The following NFATC2 variants were observed in gnomAD, a reference collection of about 807,000 sequenced individuals.
NFATC2 encodes nuclear factor of activated T-cells, cytoplasmic 2.
Under a neutral mutation model 87.3 loss-of-function variants are expected in NFATC2, and 22 were observed. That is an observed-to-expected ratio of 0.25 (90% CI 0.18 to 0.36). The LOEUF is 0.36. NFATC2 is among the 10% of genes least tolerant of loss of function. The probability of loss-of-function intolerance (pLI) is 1.00; values close to 1 mark genes in which losing one functional copy is unlikely to be tolerated. For synonymous variants in NFATC2, 565 were observed against 542.2 expected, an observed-to-expected ratio of 1.04 and a Z score of -0.58; for missense variants, 1,149 against 1,259.1, an observed-to-expected ratio of 0.91 and a Z score of 1.32.
intron 9 of NFATC2, among the ~76,000 whole-genome samples, chr20:51,431,395 T>C (rs552215164): frequency 6.6e-6 from 1 of 152,264 alleles, no homozygotes; most frequent in Admixed American, 6.5e-5. Context: ...GGCAGACCCC[T>C]TGCCCACAAA....
At chr20:51,505,030 T>C (rs1277551603) in intron 3 of NFATC2, among the ~76,000 whole-genome samples, 15 of 121,498 alleles carry the variant, frequency 1.2e-4, no homozygotes, top group Non-Finnish European at 2.2e-4. Flanking sequence ...TTTTTTTTTT[T>C]TGAGACGGAG....
rs1442415081 is a variant in NFATC2 at position 51,480,280 on chromosome 20, T to C, written c.1333-4620A>G. Among the ~76,000 whole-genome samples, 3 of 111,298 alleles carry C rather than the reference T, an allele frequency of 2.7e-5. No homozygotes were observed. The highest frequency in any genetic ancestry group is 1.5e-4 in the African/African-American group (3 of 20,236). 73.0% of individuals were successfully genotyped at this position (111,298 alleles called of 152,430 possible). ...TCCCGCCTGGGTCACAAAGCAAGAC[T>C]CTGTCTCAAAAAAAATAGAATGTGC... On this transcript the variant is annotated intron_variant, in intron 3 of 10. Transcript: ENST00000371564. This position sits in a 1 kb window ranked among gnomAD's most constrained non-coding sequence, Gnocchi z 4.2.
intron 3 of NFATC2, among the ~76,000 whole-genome samples, chr20:51,481,557 G>C (rs1427114736): frequency 6.6e-6 from 1 of 152,292 alleles, no homozygotes; most frequent in Non-Finnish European, 1.5e-5. Flanking sequence ...GGAAGAAGCA[G>C]TGCTTCTAGT....
At chr20:51,449,288 C>T (rs939902913) in intron 6 of NFATC2, among the ~76,000 whole-genome samples, 2 of 152,152 alleles carry the variant, frequency 1.3e-5, no homozygotes, top group South Asian at 2.1e-4. Flanking sequence ...GAAGGCGTCC[C>T]GGGCTGGGAG....
At chr20:51,561,418 AAGAG>A (rs1295159756) in intron 1 of NFATC2, among the ~76,000 whole-genome samples, 5 of 143,948 alleles carry the variant, frequency 3.5e-5, no homozygotes, top group East Asian at 2.0e-4. Context: ...GAAAGAAAGA[AAGAG>A]AGAGAAAGAA....
At chr20:51,538,785 C>T (rs2076761130) in intron 1 of NFATC2, among the ~76,000 whole-genome samples, 1 of 152,156 alleles carries the variant, frequency 6.6e-6, no homozygotes, top group South Asian at 2.1e-4. Context: ...GGTAACGGTC[C>T]TATGAGGCAA....
intron 6 of NFATC2, among the ~76,000 whole-genome samples, chr20:51,453,402 T>G (rs777850462): frequency 1.4e-4 from 22 of 152,230 alleles, no homozygotes; most frequent in Non-Finnish European, 8.8e-5. Flanking sequence ...ACCTGTTATA[T>G]TCTCGGATTG....
intron 1 of NFATC2, among the ~76,000 whole-genome samples, chr20:51,526,856 A>T (rs2076553731): frequency 6.7e-6 from 1 of 149,984 alleles, no homozygotes; most frequent in African/African-American, 2.5e-5. Context: ...GCCTGCATTC[A>T]CTCTCTCCCC....
Position 51,462,903 on chromosome 20 carries a change from C to T in NFATC2, c.1709-8215G>A, listed in dbSNP as rs183788357. On this transcript the variant is annotated intron_variant, in intron 5 of 10. Transcript: ENST00000371564. ...AATTTGGACCTACACTGGGGGATTCCGCTACCCCATGGGACCCTCTGCAGT... is the reference window on the plus strand; with the variant it reads ...AATTTGGACCTACACTGGGGGATTCTGCTACCCCATGGGACCCTCTGCAGT... Among the ~76,000 whole-genome samples, 4 of 152,316 alleles carry T rather than the reference C, an allele frequency of 2.6e-5. No individual in the cohort carries two copies. In the East Asian group the frequency reaches 5.8e-4, roughly 22 times the overall value.
intron 5 of NFATC2, among the ~76,000 whole-genome samples, chr20:51,455,164 G>C (rs867624413): frequency 6.6e-6 from 1 of 152,190 alleles, no homozygotes; most frequent in Non-Finnish European, 1.5e-5. Context: ...GAAGGGTTTA[G>C]ACATATTGAC....
intron 1 of NFATC2, among the ~76,000 whole-genome samples, chr20:51,556,280 A>G (rs2076977423): frequency 6.6e-6 from 1 of 152,210 alleles, no homozygotes; most frequent in Non-Finnish European, 1.5e-5. Context: ...GTATTGTTTA[A>G]AGCCATTCAA....
At chr20:51,395,675 G>A (rs1006083521) in intron 10 of NFATC2, among the ~76,000 whole-genome samples, 1 of 123,450 alleles carries the variant, frequency 8.1e-6, no homozygotes, top group Admixed American at 8.0e-5. Context: ...AAAGGAAAAA[G>A]TGAACCGATC....
intron 9 of NFATC2, among the ~76,000 whole-genome samples, chr20:51,431,688 G>A (rs966684826): frequency 2.0e-5 from 3 of 152,156 alleles, no homozygotes; most frequent in African/African-American, 7.2e-5. Flanking sequence ...AGGAATGAAA[G>A]GAGGTTAGCT....
rs1266810938 is a variant in NFATC2 at position 51,391,196 on chromosome 20, A to G, written c.*300T>C. ...CAGGATGCTCTCTGGGATTTAAAACATAAACCGAAAAGAAGAGTTCTCTCT... is the reference window on the plus strand; with the variant it reads ...CAGGATGCTCTCTGGGATTTAAAACGTAAACCGAAAAGAAGAGTTCTCTCT... On this transcript the variant is annotated 3_prime_UTR_variant, in exon 11 of 11. Coordinates refer to ENST00000371564, the MANE Select transcript of NFATC2 (RefSeq NM_012340.5). The G allele has an allele frequency of 1.0e-5, 7 of 700,488 alleles. No individual in the cohort carries two copies. Among genetic ancestry groups the G allele is most frequent in the Middle Eastern group, 3.6e-4 (1 of 2,742 alleles). The allele number at this position is 700,488 out of a possible 1,614,324, so 43.4% of individuals were successfully genotyped here.
At chr20:51,418,685 C>T (rs1172200775) in intron 9 of NFATC2, among the ~76,000 whole-genome samples, 13 of 121,274 alleles carry the variant, frequency 1.1e-4, no homozygotes, top group East Asian at 5.3e-4. Context: ...TTTTTTGAGA[C>T]GGAGTCTCGC....
chr20:51,432,308 C>T lies in NFATC2; in HGVS notation c.2481G>A (p.Glu827=), dbSNP rs775565853. The change falls in exon 9 of 11, where the codon GAG becomes GAA. Residue 827 remains glutamate (E), a synonymous_variant. Transcript: ENST00000371564. This position sits in a 1 kb window ranked among gnomAD's most constrained non-coding sequence, Gnocchi z 4.6. ...TCTCGCAGTACATGATGTGCTGGAA[C>T]TCCTGGTGGCTTCCGCAGCGCAGCT... is the stretch of plus-strand genomic sequence containing the variant. ...NQQLRCGSHQ[E]FQHIMYCENF... 3.7e-6 allele frequency: 6 copies of T among 1,614,248 alleles called. No individual in the cohort carries two copies. The highest frequency in any genetic ancestry group is 5.1e-6 in the Non-Finnish European group (6 of 1,180,048).
intron 3 of NFATC2, among the ~76,000 whole-genome samples, chr20:51,477,537 A>C (rs555067350): frequency 3.8e-4 from 10 of 26,058 alleles, no homozygotes; most frequent in African/African-American, 1.7e-3. Context: ...GTGTGTGTCT[A>C]TATATATATA....
chr20:51,530,077 C>T (rs564680289), intron 1 of NFATC2, among the ~76,000 whole-genome samples: 270 of 152,216 alleles, frequency 1.8e-3, no homozygotes, highest in Middle Eastern at 0.01. Flanking sequence ...AAGTCAAGAC[C>T]TAGGAACAGG....
chr20:51,516,423 C>T (rs1178938582), intron 3 of NFATC2, among the ~76,000 whole-genome samples: 2 of 152,042 alleles, frequency 1.3e-5, no homozygotes, highest in African/African-American at 4.8e-5. Flanking sequence ...ACAAAAATTA[C>T]CATTTTTTCT....
Sources: gnomAD v4.1 joint callset for allele counts (sites outside exome capture counted in the v4.1 genomes callset) on GRCh38, gnomAD v4.1.1 for gene constraint, Gnocchi (gnomAD v3.1) non-coding constraint, MANE v1.5 for transcripts, NCBI Gene and HGNC (gene_info 2026-07-23, HGNC 2026-07-21) for gene names.